The following CREB3L2 variants were observed in gnomAD, a reference collection of about 807,000 sequenced individuals.
CREB3L2 encodes cyclic AMP-responsive element-binding protein 3-like protein 2.
CREB3L2 carries 23 observed loss-of-function variants against 57.2 expected under a neutral mutation model. The observed-to-expected ratio is 0.40, with a 90% CI of 0.29 to 0.57. The LOEUF (loss-of-function observed/expected upper bound fraction) is 0.57, where lower values mean the gene tolerates loss of function less well. Ranked by LOEUF, CREB3L2 falls within the 20% of genes least tolerant of loss-of-function variation. The pLI, the probability that CREB3L2 is intolerant of heterozygous loss-of-function variation, is 0.42. For synonymous variants in CREB3L2, 268 were observed against 265.1 expected, an observed-to-expected ratio of 1.01 and a Z score of -0.11; for missense variants, 628 against 634.7, an observed-to-expected ratio of 0.99 and a Z score of 0.11.
At chr7:137,886,182 C>A (rs188606305) in intron 8 of CREB3L2, among the ~76,000 whole-genome samples, 1 of 152,192 alleles carries the variant, frequency 6.6e-6, no homozygotes, top group African/African-American at 2.4e-5. Context: ...GTTATAGCAA[C>A]CTGAACAGAC....
intron 7 of CREB3L2, among the ~76,000 whole-genome samples, chr7:137,901,874 CA>C (rs59855306): frequency 0.034 from 1,973 of 57,788 alleles, 49 homozygotes; most frequent in African/African-American, 0.11. Flanking sequence ...AGATCTGTCT[CA>C]AAAAAAAAAA....
At chr7:137,916,796 GAGCGAGAGCGAGTGAC>G (rs979137053) in intron 2 of CREB3L2, among the ~76,000 whole-genome samples, 2 of 152,058 alleles carry the variant, frequency 1.3e-5, no homozygotes, top group Middle Eastern at 3.2e-3. Flanking sequence ...GTGAGAGCGA[GAGCGAGAGCGAGTGAC>G]AGCGAGAGCG....
At chr7:137,995,204 C>G (rs1253204558) in intron 1 of CREB3L2, among the ~76,000 whole-genome samples, 1 of 152,102 alleles carries the variant, frequency 6.6e-6, no homozygotes, top group Non-Finnish European at 1.5e-5. Flanking sequence ...GAATGTAACC[C>G]CTGTAACTCC....
rs1248044397 is a variant in CREB3L2, at chr7:137,908,412, G to A, written c.608C>T (p.Pro203Leu). The change falls in exon 5 of 12, where the codon CCG (proline) becomes CTG (leucine). Residue 203 changes from proline (P) to leucine (L), a missense_variant. By Grantham distance (98) the Pro-to-Leu change is moderately conservative (BLOSUM62 -3). This residue lies in a region of CREB3L2 where 339 missense variants were observed against 355.4 expected (regional missense o/e 0.95). Coordinates refer to ENST00000330387, the MANE Select transcript of CREB3L2 (RefSeq NM_194071.4). Reference sequence around the variant, plus strand: ...GCCGTGACTGCTCGGAGGGGTGGGCGGCAAATGCAGGTGGTCCACTGGGGC... The same window carrying A: ...GCCGTGACTGCTCGGAGGGGTGGGCAGCAAATGCAGGTGGTCCACTGGGGC... Reference protein sequence around the residue: ...KEAPVDHLHLPPTPPSSHGSD... With the variant: ...KEAPVDHLHLLPTPPSSHGSD... The A allele has an allele frequency of 5.5e-6, 7 of 1,265,726 alleles. No individual in the cohort carries two copies. Among genetic ancestry groups the A allele is most frequent in the African/African-American group, 3.1e-5 (2 of 64,500 alleles). The allele number at this position is 1,265,726 out of a possible 1,614,324, so 78.4% of individuals were successfully genotyped here.
Position 137,880,621 on chromosome 7 carries a change from G to T in CREB3L2, c.1488-70C>A. 7.9e-7 allele frequency: 1 copy of T among 1,261,250 alleles called. No homozygotes were observed. Among genetic ancestry groups the T allele is most frequent in the Non-Finnish European group, 1.2e-6 (1 of 865,226 alleles). 78.1% of individuals were successfully genotyped at this position (1,261,250 alleles called of 1,614,324 possible). On this transcript the variant is annotated intron_variant, in intron 11 of 11. Transcript: ENST00000330387. This position sits in a 1 kb window ranked among gnomAD's most constrained non-coding sequence, Gnocchi z 4.0. ...TTAGCTACAATTCTCATGCTTTGTAGCGTGATGCAATCATTCAGGGGTTGC... is the reference window on the plus strand; with the variant it reads ...TTAGCTACAATTCTCATGCTTTGTATCGTGATGCAATCATTCAGGGGTTGC...
At chr7:137,983,572 C>T (rs950479066) in intron 1 of CREB3L2, among the ~76,000 whole-genome samples, 3 of 152,216 alleles carry the variant, frequency 2.0e-5, no homozygotes, top group African/African-American at 7.2e-5. Context: ...GGCAAAGCTG[C>T]TGACTCTCAC....
At position 137,895,650 on chromosome 7, in the gene CREB3L2, A is replaced by AAAAAAAAAAAAAAG. The variant is rs1295924394; in HGVS notation, c.1043+5703_1043+5704insCTTTTTTTTTTTTT. Among the ~76,000 whole-genome samples the AAAAAAAAAAAAAAG allele has an allele frequency of 3.6e-3, 534 of 150,152 alleles. 7 individuals carry two copies. Among genetic ancestry groups the AAAAAAAAAAAAAAG allele is most frequent in the African/African-American group, 0.011 (460 of 40,148 alleles). On this transcript the variant is annotated intron_variant, in intron 8 of 11. Coordinates refer to ENST00000330387, the MANE Select transcript of CREB3L2 (RefSeq NM_194071.4). The stretch of plus-strand genomic sequence containing the variant: ...TGCTGCTGAGTCCAGTACAAAAAAA[A>AAAAAAAAAAAAAAG]AAAGAAAGAAAACCATACTCAGGAT...
intron 9 of CREB3L2, 111 bp from the exon 10 acceptor site, chr7:137,885,232 T>G: frequency 7.6e-7 from 1 of 1,311,338 alleles, no homozygotes; most frequent in Non-Finnish European, 1.1e-6. Context: ...GCCAGTGGAC[T>G]GCACCCACCA....
chr7:137,974,195 C>T (rs932584687), intron 1 of CREB3L2, among the ~76,000 whole-genome samples: 2 of 152,104 alleles, frequency 1.3e-5, no homozygotes, highest in Non-Finnish European at 1.5e-5. Flanking sequence ...AGCAAAGAGA[C>T]CCTTGCTCTA....
At chr7:137,887,586 G>A (rs911385423) in intron 8 of CREB3L2, among the ~76,000 whole-genome samples, 1 of 152,136 alleles carries the variant, frequency 6.6e-6, no homozygotes, top group Non-Finnish European at 1.5e-5. Flanking sequence ...GCGGGCGTCT[G>A]TAATCCCAGT....
intron 1 of CREB3L2, among the ~76,000 whole-genome samples, chr7:137,929,009 T>C (rs984360435): frequency 1.3e-5 from 2 of 152,246 alleles, no homozygotes; most frequent in East Asian, 3.8e-4. Flanking sequence ...CCTCTGTTTC[T>C]ATAGCACAAA....
intron 1 of CREB3L2, among the ~76,000 whole-genome samples, chr7:137,989,434 T>TG (rs1393050351): frequency 1.3e-3 from 184 of 144,502 alleles, no homozygotes; most frequent in African/African-American, 4.7e-3. Flanking sequence ...TTTCTCCAGT[T>TG]TTTTTTTTTT....
intron 1 of CREB3L2, among the ~76,000 whole-genome samples, chr7:137,934,562 CA>C (rs1800737424): frequency 6.6e-6 from 1 of 152,206 alleles, no homozygotes; most frequent in Admixed American, 6.5e-5. Context: ...TTCCAAATCA[CA>C]GGCACTTTCT....
intron 1 of CREB3L2, among the ~76,000 whole-genome samples, chr7:137,979,965 G>C (rs939201847): frequency 6.6e-5 from 10 of 152,208 alleles, no homozygotes; most frequent in Admixed American, 1.3e-4. Context: ...ATCAGTACCT[G>C]GTGCATGCGG....
At chr7:137,891,501 AG>A (rs1366846853) in intron 8 of CREB3L2, among the ~76,000 whole-genome samples, 8 of 152,116 alleles carry the variant, frequency 5.3e-5, no homozygotes, top group Non-Finnish European at 1.2e-4. Context: ...AACCAGGAGC[AG>A]GAAAAAAAAA....
rs941033343 is a variant in CREB3L2 at position 138,001,178 on chromosome 7, G to A, written c.102+426C>T. Among the ~76,000 whole-genome samples the A allele has an allele frequency of 6.6e-6, 1 of 151,802 alleles. No individual in the cohort carries two copies. Among genetic ancestry groups the A allele is most frequent in the South Asian group, 2.1e-4 (1 of 4,802 alleles). On this transcript the variant is annotated intron_variant, in intron 1 of 11. Transcript: ENST00000330387. This position sits in a 1 kb window ranked among gnomAD's most constrained non-coding sequence, Gnocchi z 4.2. ...AAGAAGAGGAAGGGAGGGAGAGAGG[G>A]AGAGAGAATACGAGACAGATGAAAA...
chr7:137,989,915 T>C (rs572214529), intron 1 of CREB3L2, among the ~76,000 whole-genome samples: 16 of 152,326 alleles, frequency 1.1e-4, no homozygotes, highest in African/African-American at 3.4e-4. Flanking sequence ...TCTCTTGAAT[T>C]CATCTACTCC....
At chr7:137,934,013 G>A (rs1291705847) in intron 1 of CREB3L2, 1 of 152,246 alleles carries the variant, frequency 6.6e-6, no homozygotes, top group African/African-American at 2.4e-5. Flanking sequence ...GCGAAGTACT[G>A]CTCATGTGAA....
chr7:137,977,718 C>T (rs1456118155), intron 1 of CREB3L2, among the ~76,000 whole-genome samples: 5 of 152,054 alleles, frequency 3.3e-5, no homozygotes, highest in African/African-American at 2.4e-5. Context: ...GTCAGGAGTT[C>T]GAGGCCAGCC....
Sources: gnomAD v4.1 joint callset for allele counts (sites outside exome capture counted in the v4.1 genomes callset) on GRCh38, gnomAD v4.1.1 for gene constraint, gnomAD v4.1.1 regional missense constraint, Gnocchi (gnomAD v3.1) non-coding constraint, MANE v1.5 for transcripts, NCBI Gene and HGNC (gene_info 2026-07-23, HGNC 2026-07-21) for gene names.